Variants in TMPRSS7 observed in about 807,000 individuals in gnomAD.
The protein encoded by TMPRSS7 is transmembrane protease serine 7.
In TMPRSS7, 81 loss-of-function variants were observed where a neutral mutation model predicts 95.6. The ratio of observed to expected loss-of-function variants is 0.85; its 90% CI spans 0.71 to 1.02. The LOEUF (loss-of-function observed/expected upper bound fraction) is 1.02. Among genes scored for constraint, TMPRSS7 ranks in the 50% least tolerant of loss-of-function variants. The probability of loss-of-function intolerance (pLI) is 0.00; values close to 1 mark genes in which losing one functional copy is unlikely to be tolerated. For synonymous variants in TMPRSS7, 364 were observed against 337.8 expected (o/e 1.08, Z -0.85); for missense variants, 945 against 955.2 (o/e 0.99, Z 0.14).
At chr3:112,048,125 T>A (rs1302476414) in intron 7 of TMPRSS7, among the ~76,000 whole-genome samples, 158 bp downstream of exon 7, 1 of 152,182 alleles carries the variant, frequency 6.6e-6, no homozygotes, top group Non-Finnish European at 1.5e-5. Flanking sequence ...CCCCTATACT[T>A]TAGTACCCTC....
intron 6 of TMPRSS7, chr3:112,047,399 C>T: frequency 1.8e-6 from 1 of 563,210 alleles, no homozygotes; most frequent in East Asian, 4.3e-5. Context: ...TTCCTGATTG[C>T]TCTTGCAGAA....
chr3:112,077,073 C>T, exon 16 of TMPRSS7: 1 of 1,614,210 alleles, frequency 6.2e-7, no homozygotes, highest in South Asian at 1.1e-5. Context: ...ATATGCATTC[C>T]TCCCACTGGT....
chr3:112,042,392 C>T (rs2073219769), intron 3 of TMPRSS7, among the ~76,000 whole-genome samples: 1 of 152,268 alleles, frequency 6.6e-6, no homozygotes, highest in Non-Finnish European at 1.5e-5. Context: ...TTATTGTACA[C>T]ATTTATTTCA....
chr3:112,049,969 A>G, exon 8 of TMPRSS7: 1 of 1,554,362 alleles, frequency 6.4e-7, no homozygotes, highest in South Asian at 1.2e-5. Context: ...GTCATTCCAG[A>G]ACAAAGTAAG....
At chr3:112,081,141 T>C in exon 18 of TMPRSS7, 1 of 1,526,290 alleles carries the variant, frequency 6.6e-7, no homozygotes. Context: ...TTTAAAATGA[T>C]GCAGTAATTG....
At chr3:112,076,745 G>A (rs6765524) in intron 15 of TMPRSS7, 131 bp from the exon 16 acceptor site, 12,462 of 1,084,964 alleles carry the variant, frequency 0.011, 424 homozygotes, top group African/African-American at 0.089. Flanking sequence ...CCCGGACAAA[G>A]CCAGTGACTA....
exon 9 of TMPRSS7, chr3:112,050,702 C>A: frequency 3.1e-6 from 5 of 1,604,884 alleles, no homozygotes; most frequent in Non-Finnish European, 3.4e-6. Flanking sequence ...TCAAAGACAT[C>A]ACTGGCTTTG....
chr3:112,051,014 T>C (rs1400436878), intron 9 of TMPRSS7, among the ~76,000 whole-genome samples: 2 of 152,212 alleles, frequency 1.3e-5, no homozygotes, highest in African/African-American at 2.4e-5. Context: ...TTTGTTGGTA[T>C]TGAAAATGCA....
intron 9 of TMPRSS7, 68 bp from the exon 10 acceptor site, chr3:112,056,957 C>A: frequency 8.8e-7 from 1 of 1,142,460 alleles, no homozygotes. Flanking sequence ...AAACAACAAG[C>A]CAAGGGAATA....
At chr3:112,042,124 A>AC in intron 3 of TMPRSS7, 74 bp downstream of exon 3, 1 of 1,268,620 alleles carries the variant, frequency 7.9e-7, no homozygotes, top group East Asian at 2.5e-5. Context: ...CTGGAGGGGA[A>AC]CACAAGTGTC....
intron 11 of TMPRSS7, among the ~76,000 whole-genome samples, chr3:112,062,941 A>G (rs573600350): frequency 6.6e-6 from 1 of 152,324 alleles, no homozygotes; most frequent in East Asian, 1.9e-4. Context: ...CTGGTTGAAG[A>G]GGAAAGACTA....
rs764096151 is a variant in TMPRSS7 at position 112,057,144 on chromosome 3, CAT to C, written c.1310+16_1310+17del. The C allele has an allele frequency of 1.3e-6, 2 of 1,542,110 alleles. No homozygotes were observed. The highest frequency in any genetic ancestry group is 2.3e-5 in the South Asian group (2 of 88,078). On this transcript the variant is annotated intron_variant, in intron 10 of 17. Transcript: ENST00000452346. Reference sequence around the variant, plus strand: ...TTAATGAGCACATGTAAGTGATTTTCATATGTTTTCATATGTGAGGCATCTGA... The same window carrying C: ...TTAATGAGCACATGTAAGTGATTTTCATGTTTTCATATGTGAGGCATCTGA...
At chr3:112,035,261 G>A (rs577035088) in intron 1 of TMPRSS7, among the ~76,000 whole-genome samples, 21 of 152,228 alleles carry the variant, frequency 1.4e-4, no homozygotes, top group African/African-American at 4.3e-4. Flanking sequence ...TTTCTTTTGG[G>A]GGAGCACTTG....
chr3:112,059,947 G>A lies in TMPRSS7; in HGVS notation c.1311-1840G>A, dbSNP rs146926400. ...GAGGTCATTACCTATTGGGGAACCT[G>A]CCCCCGATAGTCATGTAGGTTCTTT... On this transcript the variant is annotated intron_variant, in intron 10 of 17. Transcript: ENST00000452346. Among the ~76,000 whole-genome samples, 1,099 of 152,244 alleles carry A rather than the reference G, an allele frequency of 7.2e-3. 15 individuals are homozygous for A. Among genetic ancestry groups the A allele is most frequent in the South Asian group, 0.041 (198 of 4,814 alleles).
At chr3:112,076,754 TATA>T (rs2073713760) in intron 15 of TMPRSS7, 119 bp from the exon 16 acceptor site, 2 of 1,184,128 alleles carry the variant, frequency 1.7e-6, no homozygotes, top group African/African-American at 1.5e-5. Context: ...AGCCAGTGAC[TATA>T]ATAACACCCT....
At chr3:112,047,367 G>T in intron 6 of TMPRSS7, 1 of 581,218 alleles carries the variant, frequency 1.7e-6, no homozygotes, top group Non-Finnish European at 3.2e-6. Flanking sequence ...TCTAAACCAT[G>T]ATGAAAACCA....
At chr3:112,040,175 C>T (rs570194559) in intron 2 of TMPRSS7, among the ~76,000 whole-genome samples, 6 of 152,228 alleles carry the variant, frequency 3.9e-5, no homozygotes, top group South Asian at 4.2e-4. Flanking sequence ...CTGTCTTGAA[C>T]GGTTCAGGTC....
chr3:112,043,928 T>C (rs924871829), intron 3 of TMPRSS7, among the ~76,000 whole-genome samples: 1 of 152,226 alleles, frequency 6.6e-6, no homozygotes, highest in Non-Finnish European at 1.5e-5. Flanking sequence ...AAAATGTACT[T>C]AAATGAGTTT....
chr3:112,075,183 C>T, intron 14 of TMPRSS7, 138 bp from the exon 15 acceptor site: 1 of 785,810 alleles, frequency 1.3e-6, no homozygotes, highest in Non-Finnish European at 1.8e-6. Context: ...GACAGACTCA[C>T]ATGTTCTCTG....
Sources: gnomAD v4.1 joint callset for allele counts (sites outside exome capture counted in the v4.1 genomes callset) on GRCh38, gnomAD v4.1.1 for gene constraint, MANE v1.5 for transcripts, NCBI Gene and HGNC (gene_info 2026-07-23, HGNC 2026-07-21) for gene names.